The following THADA variants were observed in gnomAD, a reference collection of about 807,000 sequenced individuals.
The protein encoded by THADA is THADA armadillo repeat containing.
THADA carries 213 observed loss-of-function variants against 219.8 expected under a neutral mutation model. That is an observed-to-expected ratio of 0.97 (90% CI 0.87 to 1.09). The LOEUF is 1.09. Among genes scored for constraint, THADA ranks in the 50% least tolerant of loss-of-function variants. The probability of loss-of-function intolerance (pLI) is 0.00; values close to 1 mark genes in which losing one functional copy is unlikely to be tolerated. For synonymous variants in THADA, 1,018 were observed against 828.9 expected, an observed-to-expected ratio of 1.23 and a Z score of -3.92; for missense variants, 2,956 against 2,311.3, an observed-to-expected ratio of 1.28 and a Z score of -5.72.
Position 43,292,903 on chromosome 2 carries a change from C to T in THADA, c.4749G>A (p.Leu1583=). ...SGLGEKGVPP[L]LCNMGEKFLL... ...AGAACTTCTCTCCCATGTTGCACAG[C>T]AAGGGTGGCACGCCCTTCTCTCCAA... Residue 1583 remains leucine (L), a synonymous_variant, in exon 32 of 38, where the codon TTG becomes TTA. Coordinates refer to ENST00000405975, the MANE Select transcript of THADA (RefSeq NM_022065.5). The T allele has an allele frequency of 1.2e-6, 2 of 1,614,000 alleles. No homozygotes were observed. The highest frequency in any genetic ancestry group is 1.7e-6 in the Non-Finnish European group (2 of 1,179,892).
At chr2:43,594,854 G>C (rs1041581542) in intron 1 of THADA, among the ~76,000 whole-genome samples, 1 of 152,058 alleles carries the variant, frequency 6.6e-6, no homozygotes, top group African/African-American at 2.4e-5. Flanking sequence ...CCTTCTAAAA[G>C]CCTTCCATGA....
At chr2:43,429,818 C>G (rs2104818717) in intron 27 of THADA, among the ~76,000 whole-genome samples, 1 of 151,500 alleles carries the variant, frequency 6.6e-6, no homozygotes, top group African/African-American at 2.4e-5. Context: ...TACAGAGAAC[C>G]AAGCAATATG....
intron 36 of THADA, among the ~76,000 whole-genome samples, chr2:43,260,540 A>T (rs1439918211): frequency 6.6e-6 from 1 of 152,326 alleles, no homozygotes; most frequent in East Asian, 1.9e-4. Flanking sequence ...CAGGAGGTAC[A>T]ATGCAAGTAC....
At chr2:43,592,543 C>G (rs1228017049) in intron 1 of THADA, 127 bp from the exon 2 acceptor site, 2 of 534,148 alleles carry the variant, frequency 3.7e-6, no homozygotes, top group African/African-American at 3.9e-5. Context: ...ATCCCCATCT[C>G]TACCCACTAG....
At chr2:43,337,700 C>T (rs1332527293) in intron 30 of THADA, among the ~76,000 whole-genome samples, 1 of 151,750 alleles carries the variant, frequency 6.6e-6, no homozygotes, top group East Asian at 1.9e-4. Context: ...CTCATACACA[C>T]ACACACACAC....
chr2:43,481,105 A>G (rs935902793), intron 26 of THADA, among the ~76,000 whole-genome samples: 5 of 152,228 alleles, frequency 3.3e-5, no homozygotes, highest in African/African-American at 1.2e-4. Context: ...ACAGGAGAGA[A>G]GCCAGTCTGT....
At chr2:43,322,465 C>G (rs1194087893) in intron 30 of THADA, among the ~76,000 whole-genome samples, 4 of 151,646 alleles carry the variant, frequency 2.6e-5, no homozygotes, top group African/African-American at 7.3e-5. Context: ...GATCATGCCA[C>G]TGCATGCCAG....
intron 26 of THADA, among the ~76,000 whole-genome samples, chr2:43,450,782 G>C (rs1682214794): frequency 6.6e-6 from 1 of 152,076 alleles, no homozygotes; most frequent in Admixed American, 6.5e-5. Flanking sequence ...TAAAATCATG[G>C]GAAAATATAT....
chr2:43,253,421 G>A lies in THADA; in HGVS notation c.5297-20539C>T, dbSNP rs62137407. On this transcript the variant is annotated intron_variant, in intron 36 of 37. Coordinates refer to ENST00000405975, the MANE Select transcript of THADA (RefSeq NM_022065.5). ...CTACTTACTTCTAAACTCCTTAAAG[G>A]TGGCTCTAACCTCCCACTACTGAAC... Among the ~76,000 whole-genome samples the A allele has an allele frequency of 8.5e-3, 1,289 of 152,202 alleles. 24 individuals carry two copies. The highest frequency in any genetic ancestry group is 8.8e-3 in the Non-Finnish European group (600 of 68,016).
intron 6 of THADA, 61 bp downstream of exon 6, chr2:43,586,641 G>C: frequency 6.5e-7 from 1 of 1,545,146 alleles, no homozygotes; most frequent in Non-Finnish European, 8.8e-7. Context: ...AAAAGAGCCA[G>C]TTCCAAAATG....
At chr2:43,251,380 C>A (rs1669792300) in intron 36 of THADA, among the ~76,000 whole-genome samples, 1 of 152,192 alleles carries the variant, frequency 6.6e-6, no homozygotes, top group African/African-American at 2.4e-5. Flanking sequence ...GAAAAAATGT[C>A]CAAATACAAT....
At chr2:43,547,319 C>G (rs1465817232) in intron 20 of THADA, among the ~76,000 whole-genome samples, 2 of 152,180 alleles carry the variant, frequency 1.3e-5, no homozygotes, top group African/African-American at 4.8e-5. Context: ...TTCATTTCAA[C>G]TTTGGTGAAT....
At chr2:43,291,381 G>A (rs144972091) in intron 34 of THADA, among the ~76,000 whole-genome samples, 1 of 142,122 alleles carries the variant, frequency 7.0e-6, no homozygotes, top group Non-Finnish European at 1.5e-5. Flanking sequence ...TTGAACCTGG[G>A]AGGCAAAGGT....
In THADA at chr2:43,344,831, C is replaced by G. The variant is rs117241304; in HGVS notation, c.4228-594G>C. On this transcript the variant is annotated intron_variant, in intron 29 of 37. Transcript: ENST00000405975. ...AGTGAATGCAGCAATGCAGACGTGC[C>G]CCACTTATACAAGGATACTCGTGTA... Among the ~76,000 whole-genome samples the G allele has an allele frequency of 2.6e-3, 397 of 151,908 alleles. 5 individuals carry two copies. Among genetic ancestry groups the G allele is most frequent in the East Asian group, 0.022 (113 of 5,174 alleles).
chr2:43,454,194 C>A (rs1682704768), intron 26 of THADA, among the ~76,000 whole-genome samples: 1 of 152,194 alleles, frequency 6.6e-6, no homozygotes, highest in Non-Finnish European at 1.5e-5. Context: ...TAGTTATATT[C>A]TATTAATTGC....
At chr2:43,271,488 T>C (rs974570608) in intron 36 of THADA, among the ~76,000 whole-genome samples, 4 of 152,150 alleles carry the variant, frequency 2.6e-5, no homozygotes, top group African/African-American at 7.2e-5. Context: ...CTTTGATAGA[T>C]ACATTCCTCA....
At chr2:43,424,745 C>T (rs956074758) in intron 28 of THADA, among the ~76,000 whole-genome samples, 10 of 152,124 alleles carry the variant, frequency 6.6e-5, no homozygotes, top group Non-Finnish European at 1.5e-4. Flanking sequence ...CCCAAACTAA[C>T]TAAATCTAGG....
At chr2:43,241,306 C>T (rs1383044357) in intron 36 of THADA, among the ~76,000 whole-genome samples, 1 of 151,514 alleles carries the variant, frequency 6.6e-6, no homozygotes, top group Non-Finnish European at 1.5e-5. Flanking sequence ...CCAGGTTGGT[C>T]TTAAACTCCT....
intron 31 of THADA, among the ~76,000 whole-genome samples, chr2:43,318,888 G>A (rs534257361): frequency 6.6e-6 from 1 of 152,274 alleles, no homozygotes; most frequent in East Asian, 1.9e-4. Flanking sequence ...AAGAAAGAAG[G>A]TATTTTACAA....
Sources: allele counts gnomAD v4.1 joint callset (sites outside exome capture counted in the v4.1 genomes callset), GRCh38; gene constraint gnomAD v4.1.1; transcripts MANE v1.5; gene names NCBI Gene and HGNC (gene_info 2026-07-23, HGNC 2026-07-21).